The following ESRRG variants were observed in gnomAD, a reference collection of about 807,000 sequenced individuals.
ESRRG encodes the protein estrogen-related receptor gamma.
ESRRG carries 13 observed loss-of-function variants against 44.0 expected under a neutral mutation model. That is an observed-to-expected ratio of 0.30 (90% CI 0.19 to 0.47). The LOEUF is 0.47. Among genes scored for constraint, ESRRG ranks in the 20% least tolerant of loss-of-function variants. The pLI, the probability that ESRRG is intolerant of heterozygous loss-of-function variation, is 1.00. For missense variants in ESRRG, 395 were observed against 580.6 expected (o/e 0.68, Z 3.29); for synonymous variants, 215 against 214.6 (o/e 1.00, Z -0.02).
At chr1:217,126,838 G>A (rs1175180375) in intron 1 of ESRRG, among the ~76,000 whole-genome samples, 1 of 152,100 alleles carries the variant, frequency 6.6e-6, no homozygotes, top group East Asian at 1.9e-4. Context: ...ACAGTACTCA[G>A]GCTAATTGCT....
At chr1:217,027,141 T>A (rs887791762) in intron 1 of ESRRG, among the ~76,000 whole-genome samples, 2 of 152,140 alleles carry the variant, frequency 1.3e-5, no homozygotes, top group African/African-American at 2.4e-5. Flanking sequence ...AAAGGCCACA[T>A]GTTCCTTCTG....
At chr1:216,888,373 G>C (rs1371764881) in intron 2 of ESRRG, among the ~76,000 whole-genome samples, 1 of 152,084 alleles carries the variant, frequency 6.6e-6, no homozygotes, top group Non-Finnish European at 1.5e-5. Flanking sequence ...TTGTCCTTTA[G>C]AAAAAGGAAT....
At chr1:216,976,923 T>C (rs2073045649) in intron 1 of ESRRG, among the ~76,000 whole-genome samples, 1 of 152,182 alleles carries the variant, frequency 6.6e-6, no homozygotes, top group African/African-American at 2.4e-5. Flanking sequence ...TCCCCTACTC[T>C]TTTTATTAGT....
intron 2 of ESRRG, among the ~76,000 whole-genome samples, chr1:216,896,604 A>C (rs1429745248): frequency 6.6e-6 from 1 of 152,152 alleles, no homozygotes; most frequent in Admixed American, 6.5e-5. Context: ...AAACATGTTT[A>C]TTCGATTTGT....
At chr1:216,978,188 C>A (rs753175695) in intron 1 of ESRRG, among the ~76,000 whole-genome samples, 15 of 152,028 alleles carry the variant, frequency 9.9e-5, no homozygotes, top group Admixed American at 3.3e-4. Flanking sequence ...TCTGGTGGGC[C>A]AAATTCACCA....
chr1:216,529,224 G>A (rs2048554237), intron 5 of ESRRG, among the ~76,000 whole-genome samples: 3 of 152,144 alleles, frequency 2.0e-5, no homozygotes, highest in Admixed American at 2.0e-4. Context: ...AAGAAATCAG[G>A]TGGGACTTTG....
At chr1:216,915,225 T>C (rs2060996204) in intron 2 of ESRRG, among the ~76,000 whole-genome samples, 1 of 152,130 alleles carries the variant, frequency 6.6e-6, no homozygotes, top group African/African-American at 2.4e-5. Context: ...GGCTCACCAC[T>C]GTGTGGGGCA....
chr1:216,999,630 T>A (rs923679594), intron 1 of ESRRG, among the ~76,000 whole-genome samples: 10 of 152,308 alleles, frequency 6.6e-5, no homozygotes, highest in Non-Finnish European at 1.2e-4. Flanking sequence ...TCCAGTATTT[T>A]ACCAACACCC....
chr1:217,088,122 T>G (rs867333082), intron 1 of ESRRG, among the ~76,000 whole-genome samples: 2 of 151,916 alleles, frequency 1.3e-5, no homozygotes, highest in Admixed American at 6.5e-5. Flanking sequence ...TCTAAGACAT[T>G]TCCGACTCTT....
chr1:216,999,439 T>A (rs72741454), intron 1 of ESRRG, among the ~76,000 whole-genome samples: 4,295 of 152,252 alleles, frequency 0.028, 90 homozygotes, highest in Non-Finnish European at 0.043. Context: ...TTTCAAGGTA[T>A]TTTTTCTCTG....
chr1:216,978,734 T>C (rs919610171), intron 1 of ESRRG, among the ~76,000 whole-genome samples: 1 of 152,110 alleles, frequency 6.6e-6, no homozygotes, highest in Non-Finnish European at 1.5e-5. Context: ...TCCCCTAAGG[T>C]ATAGTAATTT....
At chr1:216,734,696 T>C (rs1035724399) in intron 2 of ESRRG, among the ~76,000 whole-genome samples, 1 of 152,156 alleles carries the variant, frequency 6.6e-6, no homozygotes, top group Non-Finnish European at 1.5e-5. Flanking sequence ...AATGCAGCAA[T>C]AGACTAACGT....
intron 2 of ESRRG, among the ~76,000 whole-genome samples, chr1:216,904,201 A>G (rs1018784723): frequency 8.8e-6 from 1 of 113,710 alleles, no homozygotes; most frequent in Admixed American, 9.5e-5. Context: ...AGCTGCAATC[A>G]TCACCCCCCC....
chr1:216,606,598 A>G (rs1226793534), intron 3 of ESRRG, among the ~76,000 whole-genome samples: 1 of 152,104 alleles, frequency 6.6e-6, no homozygotes, highest in East Asian at 1.9e-4. Flanking sequence ...CACTCCCCCC[A>G]CAACCCAATT....
At chr1:216,785,660 G>A (rs2094101206) in intron 2 of ESRRG, among the ~76,000 whole-genome samples, 1 of 152,058 alleles carries the variant, frequency 6.6e-6, no homozygotes, top group African/African-American at 2.4e-5. Context: ...TTCTCCGCAA[G>A]AGAAGGGTCT....
intron 2 of ESRRG, among the ~76,000 whole-genome samples, chr1:216,824,823 A>G (rs1193730594): frequency 6.6e-6 from 1 of 152,214 alleles, no homozygotes; most frequent in Non-Finnish European, 1.5e-5. Flanking sequence ...GCAGATTTTT[A>G]TCTGAGAAAT....
intron 2 of ESRRG, among the ~76,000 whole-genome samples, chr1:216,868,333 C>A (rs532439251): frequency 1.3e-5 from 2 of 152,004 alleles, no homozygotes; most frequent in Admixed American, 6.6e-5. Context: ...GTTGAGCCAC[C>A]CACCTCGGCC....
chr1:216,966,464 T>C (rs1323772738), intron 1 of ESRRG, among the ~76,000 whole-genome samples: 1 of 152,122 alleles, frequency 6.6e-6, no homozygotes, highest in Non-Finnish European at 1.5e-5. Flanking sequence ...GGAGTAATCA[T>C]CTTGTAAACA....
chr1:216,575,325 T>A (rs933734225), intron 3 of ESRRG, among the ~76,000 whole-genome samples: 1 of 152,150 alleles, frequency 6.6e-6, no homozygotes, highest in Non-Finnish European at 1.5e-5. Context: ...CAAAATAGAT[T>A]ATGATATTGT....
Sources: gnomAD v4.1 joint callset for allele counts (sites outside exome capture counted in the v4.1 genomes callset) on GRCh38, gnomAD v4.1.1 for gene constraint, MANE v1.5 for transcripts, NCBI Gene and HGNC (gene_info 2026-07-23, HGNC 2026-07-21) for gene names.